BST1: variants seen among roughly 807,000 people sequenced by gnomAD.
BST1 encodes ADP-ribosyl cyclase/cyclic ADP-ribose hydrolase 2.
In BST1, 49 loss-of-function variants were observed where a neutral mutation model predicts 40.6. That is an observed-to-expected ratio of 1.21 (90% CI 0.96 to 1.53). The LOEUF is 1.53. Among genes scored for constraint, BST1 ranks in the 40% most tolerant of loss-of-function variants. The pLI is 0.00. For synonymous variants in BST1, 157 were observed against 159.3 expected (o/e 0.99, Z 0.11); for missense variants, 423 against 395.9 (o/e 1.07, Z -0.58).
Position 15,731,821 on chromosome 4 carries a change from G to C in BST1, c.933G>C (p.Val311=), listed in dbSNP as rs750320063. ...RAGLIIPLFL[V]LASRTQL is the part of the protein sequence containing the mutation. ...GTCTTATCATTCCCCTCTTTCTGGT[G>C]CTGGCTTCCAGGACTCAACTGTAAC... Residue 311 remains valine (V), a synonymous_variant, in exon 9 of 9, where the codon GTG becomes GTC. Coordinates refer to ENST00000265016, the MANE Select transcript of BST1 (RefSeq NM_004334.3). 6.2e-7 allele frequency: 1 copy of C among 1,613,458 alleles called. No homozygotes were observed. The highest frequency in any genetic ancestry group is 8.5e-7 in the Non-Finnish European group (1 of 1,179,730).
chr4:15,751,808 G>A, the BST1 span, among the ~76,000 whole-genome samples: 3 of 152,080 alleles, frequency 2.0e-5, no homozygotes, highest in African/African-American at 7.2e-5. Flanking sequence ...AATATACACT[G>A]TAGTCACTAT....
intron 6 of BST1, among the ~76,000 whole-genome samples, chr4:15,717,645 ATAAT>A (rs780860329): frequency 6.6e-6 from 1 of 152,234 alleles, no homozygotes; most frequent in Non-Finnish European, 1.5e-5. Flanking sequence ...AAGGGAACAA[ATAAT>A]TAATAATGTG....
chr4:15,704,205 G>A (rs1284951354), intron 1 of BST1, among the ~76,000 whole-genome samples: 14 of 141,948 alleles, frequency 9.9e-5, no homozygotes, highest in African/African-American at 3.2e-4. Flanking sequence ...GAGGTGAGGG[G>A]GTGTATGTGT....
Position 15,707,622 on chromosome 4 carries a change from T to G in BST1, c.427T>G (p.Trp143Gly). Residue 143 changes from tryptophan (W) to glycine (G), a missense_variant, in exon 3 of 9, where the codon TGG becomes GGG. By Grantham distance (184) the Trp-to-Gly change is radical. Coordinates refer to ENST00000265016, the MANE Select transcript of BST1 (RefSeq NM_004334.3). ...LYGRVADFLS[W>G]CRQKNDSGLD... The stretch of plus-strand genomic sequence containing the variant: ...TGGCAGGGTTGCAGATTTCTTGAGC[T>G]GGTGTCGACAGAAAAATGACTCTGG... 1 of 1,614,084 alleles carries G rather than the reference T, an allele frequency of 6.2e-7. No homozygotes were observed. The highest frequency in any genetic ancestry group is 2.2e-5 in the East Asian group (1 of 44,874).
At chr4:15,764,873 G>GGTGTGTGTGTGTGTGT in the BST1 span, among the ~76,000 whole-genome samples, 1,455 of 137,430 alleles carry the variant, frequency 0.011, 24 homozygotes, top group African/African-American at 0.022. Context: ...AATTAGGTGA[G>GGTGTGTGTGTGTGTGT]GTGTGTGTGT....
chr4:15,761,399 A>G, the BST1 span, among the ~76,000 whole-genome samples: 5 of 152,016 alleles, frequency 3.3e-5, no homozygotes, highest in East Asian at 7.7e-4. Context: ...TTAACTGAGC[A>G]TGAAACTTAA....
At chr4:15,769,696 A>C in the BST1 span, among the ~76,000 whole-genome samples, 1 of 152,122 alleles carries the variant, frequency 6.6e-6, no homozygotes, top group Non-Finnish European at 1.5e-5. Context: ...ATATGTTTAC[A>C]ATATCAAATA....
the BST1 span, among the ~76,000 whole-genome samples, chr4:15,767,447 G>A: frequency 6.6e-6 from 1 of 151,986 alleles, no homozygotes; most frequent in African/African-American, 2.4e-5. Context: ...GGGACTACAG[G>A]CACGTGCCGC....
At chr4:15,760,134 C>G in the BST1 span, among the ~76,000 whole-genome samples, 1 of 151,930 alleles carries the variant, frequency 6.6e-6, no homozygotes, top group African/African-American at 2.4e-5. Context: ...CTTTCCGTCT[C>G]TATGGATTTG....
chr4:15,713,804 A>G (rs1239304299), intron 4 of BST1, among the ~76,000 whole-genome samples: 2 of 151,910 alleles, frequency 1.3e-5, no homozygotes, highest in Admixed American at 1.3e-4. Flanking sequence ...CCTAGGTTCA[A>G]GCGATTCTCA....
At chr4:15,705,327 A>G (rs1175167118) in intron 1 of BST1, among the ~76,000 whole-genome samples, 188 bp from the exon 2 acceptor site, 1 of 152,040 alleles carries the variant, frequency 6.6e-6, no homozygotes, top group Non-Finnish European at 1.5e-5. Context: ...GCCTTCAGAG[A>G]GACAATTCCA....
chr4:15,716,378 C>T (rs961984686), intron 6 of BST1, among the ~76,000 whole-genome samples: 4 of 152,342 alleles, frequency 2.6e-5, no homozygotes, highest in Admixed American at 2.0e-4. Flanking sequence ...GGTTTAAAGA[C>T]AAGCCAACAA....
At chr4:15,739,663 C>T (rs1164115142), downstream of BST1, among the ~76,000 whole-genome samples, 1 of 151,338 alleles carries the variant, frequency 6.6e-6, no homozygotes, top group African/African-American at 2.4e-5. Context: ...CATGACTTTG[C>T]TATAGGACAT....
At chr4:15,727,262 G>A (rs1721164090) in intron 8 of BST1, among the ~76,000 whole-genome samples, 1 of 152,184 alleles carries the variant, frequency 6.6e-6, no homozygotes, top group African/African-American at 2.4e-5. Context: ...CACCACAGCA[G>A]GTAAGTAAGG....
chr4:15,704,485 T>G (rs1176600899), intron 1 of BST1, among the ~76,000 whole-genome samples: 1 of 145,796 alleles, frequency 6.9e-6, no homozygotes, highest in African/African-American at 2.6e-5. Context: ...AGGTGAGGGG[T>G]GTGTGTGTGT....
intron 3 of BST1, among the ~76,000 whole-genome samples, chr4:15,711,090 TA>T: frequency 6.6e-6 from 1 of 152,330 alleles, no homozygotes; most frequent in East Asian, 1.9e-4. Flanking sequence ...GTGCCCAGTC[TA>T]TTTTATCTAT....
intron 3 of BST1, among the ~76,000 whole-genome samples, chr4:15,711,446 A>G (rs754970409): frequency 6.6e-6 from 1 of 152,216 alleles, no homozygotes; most frequent in African/African-American, 2.4e-5. Context: ...TCTTCTCCCA[A>G]TAAAGCAAAG....
intron 4 of BST1, among the ~76,000 whole-genome samples, chr4:15,713,425 C>A (rs1016630682): frequency 2.6e-5 from 4 of 151,890 alleles, no homozygotes; most frequent in Non-Finnish European, 5.9e-5. Context: ...ACCTCATAAT[C>A]CACCCGCCTC....
chr4:15,726,136 GTTT>G (rs58225702), intron 8 of BST1, among the ~76,000 whole-genome samples: 1 of 107,588 alleles, frequency 9.3e-6, no homozygotes, highest in Non-Finnish European at 1.9e-5. Flanking sequence ...AACTTTTAAA[GTTT>G]TTTTTTTTTT....
Sources: allele counts gnomAD v4.1 joint callset (sites outside exome capture counted in the v4.1 genomes callset), GRCh38; gene constraint gnomAD v4.1.1; transcripts MANE v1.5; gene names NCBI Gene and HGNC (gene_info 2026-07-23, HGNC 2026-07-21).